Variants in LIPK observed in about 807,000 individuals in gnomAD.
The protein encoded by LIPK is lipase member K.
Under a neutral mutation model 48.6 loss-of-function variants are expected in LIPK, and 32 were observed. The ratio of observed to expected loss-of-function variants is 0.66; its 90% CI spans 0.50 to 0.88. LIPK has a LOEUF of 0.88. Among genes scored for constraint, LIPK ranks in the 40% least tolerant of loss-of-function variants. The pLI, the probability that LIPK is intolerant of heterozygous loss-of-function variation, is 0.00. For missense variants in LIPK, 507 were observed against 478.5 expected (o/e 1.06, Z -0.56); for synonymous variants, 164 against 157.4 (o/e 1.04, Z -0.32).
At chr10:88,732,573 A>C in intron 6 of LIPK, 22 bp downstream of exon 6, 2 of 1,580,622 alleles carry the variant, frequency 1.3e-6, no homozygotes, top group South Asian at 1.2e-5. Context: ...CCCAAGTTTT[A>C]ATCTGAAATA....
intron 1 of LIPK, among the ~76,000 whole-genome samples, chr10:88,716,275 T>G (rs1436585900): frequency 3.3e-5 from 5 of 151,642 alleles, no homozygotes; most frequent in Non-Finnish European, 7.4e-5. Flanking sequence ...AAAAGGAGTT[T>G]GAAAATATTT....
intron 9 of LIPK, among the ~76,000 whole-genome samples, chr10:88,743,838 G>A (rs1842723773): frequency 6.6e-6 from 1 of 152,206 alleles, no homozygotes; most frequent in Non-Finnish European, 1.5e-5. Flanking sequence ...GAGTTAAATA[G>A]GAGTGCAATG....
In LIPK at chr10:88,752,582, G is replaced by A. The variant is rs1471375472; in HGVS notation, c.1026G>A (p.Gln342=). 1.3e-6 allele frequency: 2 copies of A among 1,572,598 alleles called. No individual in the cohort carries two copies. Among genetic ancestry groups the A allele is most frequent in the Admixed American group, 1.8e-5 (1 of 54,182 alleles). ...CAACAGCAATATGGAATGGTGGACA[G>A]GACATTGTGGCTGATCCCAAGGATG... is the stretch of plus-strand genomic sequence containing the variant. ...EVPTAIWNGG[Q]DIVADPKDVE... is the part of the protein sequence containing the mutation. Residue 342 remains glutamine, a synonymous_variant, in exon 10 of 10, where the codon CAG becomes CAA. Transcript: ENST00000404190.
intron 7 of LIPK, among the ~76,000 whole-genome samples, chr10:88,739,042 ACT>A (rs1261162696): frequency 1.3e-5 from 2 of 152,164 alleles, no homozygotes; most frequent in Non-Finnish European, 2.9e-5. Flanking sequence ...GTGGAAAATA[ACT>A]CTTTTAATTT....
At chr10:88,721,336 C>A (rs993022001) in intron 1 of LIPK, among the ~76,000 whole-genome samples, 1 of 152,172 alleles carries the variant, frequency 6.6e-6, no homozygotes, top group East Asian at 1.9e-4. Context: ...CCTTACCCAA[C>A]AATTATAGTT....
chr10:88,750,176 G>A (rs1842841087), intron 9 of LIPK, among the ~76,000 whole-genome samples: 1 of 152,160 alleles, frequency 6.6e-6, no homozygotes. Flanking sequence ...GTGAGGTTGT[G>A]GAGAAAGAAT....
intron 6 of LIPK, among the ~76,000 whole-genome samples, chr10:88,737,253 C>A (rs1019481038): frequency 1.3e-5 from 2 of 152,102 alleles, no homozygotes; most frequent in African/African-American, 4.8e-5. Context: ...TCACAACAGC[C>A]CTACCCAGTA....
chr10:88,710,249 G>A (rs969600041), intron 1 of LIPK, among the ~76,000 whole-genome samples: 1 of 152,080 alleles, frequency 6.6e-6, no homozygotes, highest in African/African-American at 2.4e-5. Context: ...TCCAAGTTGA[G>A]AATTTATCTT....
chr10:88,726,310 A>G (rs1038768773), intron 2 of LIPK, among the ~76,000 whole-genome samples: 2 of 152,246 alleles, frequency 1.3e-5, no homozygotes, highest in Admixed American at 1.3e-4. Flanking sequence ...TGTAACTCCT[A>G]GAAATCCCTC....
At chr10:88,738,986 G>A in intron 7 of LIPK, among the ~76,000 whole-genome samples, 1 of 152,148 alleles carries the variant, frequency 6.6e-6, no homozygotes, top group East Asian at 1.9e-4. Flanking sequence ...TTATAAGTAG[G>A]TTAAAATATT....
intron 1 of LIPK, among the ~76,000 whole-genome samples, chr10:88,715,480 GTATGA>G (rs745603503): frequency 3.3e-5 from 5 of 152,080 alleles, no homozygotes; most frequent in Admixed American, 3.3e-4. Flanking sequence ...CTTACTGCTT[GTATGA>G]TATATTTATT....
chr10:88,742,419 G>A (rs1325971042), intron 8 of LIPK, among the ~76,000 whole-genome samples: 1 of 152,168 alleles, frequency 6.6e-6, no homozygotes, highest in Admixed American at 6.6e-5. Flanking sequence ...TGGTAAGTGG[G>A]AAAAATATCT....
chr10:88,728,150 A>G, intron 3 of LIPK: 1 of 211,032 alleles, frequency 4.7e-6, no homozygotes, highest in Non-Finnish European at 9.7e-6. Context: ...TAGAATAAGT[A>G]GTCTCGCCTA....
chr10:88,731,099 T>C lies in LIPK; in HGVS notation c.340T>C (p.Trp114Arg). The C allele has an allele frequency of 2.5e-6, 4 of 1,607,372 alleles. No homozygotes were observed. In the South Asian group the frequency reaches 4.5e-5, roughly 18 times the overall value. The change falls in exon 4 of 10, where the codon TGG becomes CGG. Residue 114 changes from tryptophan to arginine, a missense_variant. Trp to Arg is a moderately radical substitution (Grantham distance 101). Coordinates refer to ENST00000404190, the MANE Select transcript of LIPK (RefSeq NM_001080518.2). Reference sequence around the variant, plus strand: ...TCTGGCAGATAGTGGTTATGACGTGTGGTTGGGGAACAGCCGAGGAAACAC... The same window carrying C: ...TCTGGCAGATAGTGGTTATGACGTGCGGTTGGGGAACAGCCGAGGAAACAC... Reference protein sequence around the residue: ...FLLADSGYDVWLGNSRGNTWS... With the variant: ...FLLADSGYDVRLGNSRGNTWS...
chr10:88,733,953 T>C (rs1186201742), intron 6 of LIPK, among the ~76,000 whole-genome samples: 1 of 152,136 alleles, frequency 6.6e-6, no homozygotes, highest in African/African-American at 2.4e-5. Flanking sequence ...TAGGGGGCAA[T>C]GGAAGGAAGT....
intron 6 of LIPK, among the ~76,000 whole-genome samples, 171 bp from the exon 7 acceptor site, chr10:88,737,464 A>C (rs1322669502): frequency 6.6e-6 from 1 of 152,230 alleles, no homozygotes; most frequent in Non-Finnish European, 1.5e-5. Context: ...AAAGCCATTA[A>C]GAGGTGCATT....
chr10:88,737,669 C>T lies in LIPK; in HGVS notation c.704C>T (p.Thr235Ile), dbSNP rs762736888. ...LFGDKMFHPH[T>I]LFDQFIATKV... ...GGTGACAAAATGTTCCACCCTCATA[C>T]ATTGTTTGACCAATTCATTGCCACC... Residue 235 changes from threonine (T) to isoleucine (I), a missense_variant, in exon 7 of 10, where the codon ACA (threonine) becomes ATA (isoleucine). Physicochemically the swap from Thr to Ile is moderately conservative, Grantham distance 89. Coordinates refer to ENST00000404190, the MANE Select transcript of LIPK (RefSeq NM_001080518.2). 6.2e-7 allele frequency: 1 copy of T among 1,613,854 alleles called. No homozygotes were observed. The highest frequency in any genetic ancestry group is 8.5e-7 in the Non-Finnish European group (1 of 1,179,768).
At chr10:88,708,302 T>C (rs769189513) in intron 1 of LIPK, among the ~76,000 whole-genome samples, 8 of 152,030 alleles carry the variant, frequency 5.3e-5, no homozygotes, top group Non-Finnish European at 1.0e-4. Flanking sequence ...AATAAATTCA[T>C]CAAGAAAAAT....
At chr10:88,751,787 C>A (rs936332519) in intron 9 of LIPK, among the ~76,000 whole-genome samples, 4 of 152,096 alleles carry the variant, frequency 2.6e-5, no homozygotes, top group Non-Finnish European at 4.4e-5. Context: ...CCCCCTAACC[C>A]CAACTCCCAC....
Sources: allele counts gnomAD v4.1 joint callset (sites outside exome capture counted in the v4.1 genomes callset), GRCh38; gene constraint gnomAD v4.1.1; transcripts MANE v1.5; gene names NCBI Gene and HGNC (gene_info 2026-07-23, HGNC 2026-07-21).